The following HIBADH variants were observed in gnomAD, a reference collection of about 807,000 sequenced individuals.
The protein encoded by HIBADH is 3-hydroxyisobutyrate dehydrogenase, mitochondrial.
In HIBADH, 25 loss-of-function variants were observed where a neutral mutation model predicts 36.1. That is an observed-to-expected ratio of 0.69 (90% CI 0.50 to 0.97). The LOEUF (loss-of-function observed/expected upper bound fraction) is 0.97. Ranked by LOEUF, HIBADH falls within the 50% of genes least tolerant of loss-of-function variation. HIBADH has a pLI of 0.00. For missense variants in HIBADH, 421 were observed against 418.0 expected (o/e 1.01, Z -0.06); for synonymous variants, 160 against 149.5 (o/e 1.07, Z -0.51).
At chr7:27,626,944 A>C (rs957145427) in intron 4 of HIBADH, among the ~76,000 whole-genome samples, 4 of 152,190 alleles carry the variant, frequency 2.6e-5, no homozygotes, top group African/African-American at 9.7e-5. Context: ...GACTTCTATA[A>C]AACTGTGGGC....
chr7:27,660,404 C>A (rs974264957), intron 1 of HIBADH, among the ~76,000 whole-genome samples: 9 of 152,256 alleles, frequency 5.9e-5, no homozygotes, highest in Non-Finnish European at 1.2e-4. Flanking sequence ...TGGCTCACGC[C>A]TGTAATCCCA....
chr7:27,637,827 T>C (rs1312714403), intron 2 of HIBADH, among the ~76,000 whole-genome samples: 2 of 151,578 alleles, frequency 1.3e-5, no homozygotes, highest in Non-Finnish European at 2.9e-5. Flanking sequence ...AAGAACACAA[T>C]CCCATTCACA....
At chr7:27,541,591 T>G in intron 5 of HIBADH, 1 of 256,184 alleles carries the variant, frequency 3.9e-6, no homozygotes, top group South Asian at 3.8e-5. Context: ...TATCTTGAAA[T>G]GGAGGGCAAA....
intron 4 of HIBADH, among the ~76,000 whole-genome samples, chr7:27,616,599 C>A (rs1785433193): frequency 6.6e-6 from 1 of 152,108 alleles, no homozygotes; most frequent in Non-Finnish European, 1.5e-5. Context: ...GTAGATGGGA[C>A]TACAGGTGCA....
chr7:27,544,293 A>G (rs1784201567), intron 4 of HIBADH, among the ~76,000 whole-genome samples: 1 of 152,236 alleles, frequency 6.6e-6, no homozygotes, highest in South Asian at 2.1e-4. Flanking sequence ...TCTATTTTAC[A>G]GTTTATACTA....
At chr7:27,621,853 A>C (rs989770354) in intron 4 of HIBADH, among the ~76,000 whole-genome samples, 1 of 152,134 alleles carries the variant, frequency 6.6e-6, no homozygotes, top group Non-Finnish European at 1.5e-5. Flanking sequence ...AATATAACTA[A>C]AATTAATACA....
chr7:27,618,598 T>C (rs771753161), intron 4 of HIBADH, among the ~76,000 whole-genome samples: 11 of 152,178 alleles, frequency 7.2e-5, no homozygotes, highest in Non-Finnish European at 5.9e-5. Flanking sequence ...AGCCCAAGAA[T>C]TGGTCCACTG....
At chr7:27,569,980 T>C (rs529480813) in intron 4 of HIBADH, among the ~76,000 whole-genome samples, 1 of 152,294 alleles carries the variant, frequency 6.6e-6, no homozygotes, top group Admixed American at 6.5e-5. Context: ...AGAGCCTCTC[T>C]TCCTGCTCCT....
At chr7:27,549,904 T>TTCTTC (rs993106507) in intron 4 of HIBADH, among the ~76,000 whole-genome samples, 5 of 151,878 alleles carry the variant, frequency 3.3e-5, no homozygotes, top group African/African-American at 1.2e-4. Context: ...TACTTAGCAT[T>TTCTTC]TCTTTTCTTT....
intron 2 of HIBADH, among the ~76,000 whole-genome samples, chr7:27,637,226 A>C (rs1785855868): frequency 6.6e-6 from 1 of 152,220 alleles, no homozygotes; most frequent in South Asian, 2.1e-4. Context: ...AAATTTAAGC[A>C]GAGAAAGGTT....
intron 4 of HIBADH, among the ~76,000 whole-genome samples, chr7:27,552,968 A>G (rs1041637457): frequency 6.6e-6 from 1 of 152,230 alleles, no homozygotes; most frequent in African/African-American, 2.4e-5. Context: ...AGAAAACAAA[A>G]GCAAGGGACA....
chr7:27,550,473 C>G (rs1784303028), intron 4 of HIBADH, among the ~76,000 whole-genome samples: 1 of 152,184 alleles, frequency 6.6e-6, no homozygotes, highest in African/African-American at 2.4e-5. Flanking sequence ...AAAACTACCA[C>G]TCAATGCACA....
intron 2 of HIBADH, among the ~76,000 whole-genome samples, chr7:27,648,984 G>A (rs1270664586): frequency 6.6e-6 from 1 of 152,196 alleles, no homozygotes. Flanking sequence ...TAATGGCATA[G>A]GTTGTCATCG....
intron 4 of HIBADH, among the ~76,000 whole-genome samples, chr7:27,574,215 T>C (rs73069895): frequency 0.086 from 12,259 of 141,860 alleles, 631 homozygotes; most frequent in Non-Finnish European, 0.12. Context: ...AATTAGATAG[T>C]TGGAATTTTG....
chr7:27,601,639 C>T (rs1384427347), intron 4 of HIBADH, among the ~76,000 whole-genome samples: 2 of 151,968 alleles, frequency 1.3e-5, no homozygotes, highest in Non-Finnish European at 1.5e-5. Flanking sequence ...GGGGAAAATA[C>T]GTAAAGCTGT....
intron 2 of HIBADH, among the ~76,000 whole-genome samples, chr7:27,643,689 A>G (rs534482213): frequency 6.6e-6 from 1 of 152,352 alleles, no homozygotes; most frequent in East Asian, 1.9e-4. Context: ...GCTTAAAACA[A>G]CAGAAATTTA....
intron 4 of HIBADH, among the ~76,000 whole-genome samples, chr7:27,550,697 G>A (rs966592155): frequency 2.6e-5 from 4 of 152,008 alleles, no homozygotes; most frequent in African/African-American, 9.7e-5. Context: ...CTCTAATAAA[G>A]CACTTACACT....
chr7:27,633,348 C>T (rs1785781621), intron 2 of HIBADH, among the ~76,000 whole-genome samples: 1 of 152,136 alleles, frequency 6.6e-6, no homozygotes, highest in African/African-American at 2.4e-5. Flanking sequence ...CCTTCCTTGA[C>T]TCAAACTCTC....
intron 4 of HIBADH, among the ~76,000 whole-genome samples, chr7:27,594,084 A>G (rs1216053904): frequency 6.6e-6 from 1 of 150,996 alleles, no homozygotes; most frequent in Non-Finnish European, 1.5e-5. Context: ...CAACAAAGAT[A>G]AAAAGACTTT....
Sources: allele counts gnomAD v4.1 joint callset (sites outside exome capture counted in the v4.1 genomes callset), GRCh38; gene constraint gnomAD v4.1.1; transcripts MANE v1.5; gene names NCBI Gene and HGNC (gene_info 2026-07-23, HGNC 2026-07-21).